Variants in LHPP observed in about 807,000 individuals in gnomAD.
The protein encoded by LHPP is hLHPP.
In LHPP, 24 loss-of-function variants were observed where a neutral mutation model predicts 30.3. The ratio of observed to expected loss-of-function variants is 0.79; its 90% CI spans 0.57 to 1.11. The LOEUF is 1.11. Ranked by LOEUF, LHPP falls within the 50% of genes most tolerant of loss-of-function variation. LHPP has a pLI of 0.00. For synonymous variants in LHPP, 150 were observed against 157.1 expected, an observed-to-expected ratio of 0.95 and a Z score of 0.34; for missense variants, 356 against 367.2, an observed-to-expected ratio of 0.97 and a Z score of 0.25.
intron 6 of LHPP, among the ~76,000 whole-genome samples, chr10:124,531,061 C>T (rs1173533628): frequency 6.6e-6 from 1 of 152,212 alleles, no homozygotes; most frequent in East Asian, 1.9e-4. Context: ...CCCCTCCTGC[C>T]AGTCCCACCT....
chr10:124,528,452 G>A (rs1247935653), intron 6 of LHPP, among the ~76,000 whole-genome samples: 2 of 152,010 alleles, frequency 1.3e-5, no homozygotes, highest in Admixed American at 6.6e-5. Context: ...TCCGCCTCCC[G>A]GGTTCAAGGG....
chr10:124,477,090 C>T (rs1462158128), intron 1 of LHPP, among the ~76,000 whole-genome samples: 4 of 152,158 alleles, frequency 2.6e-5, no homozygotes, highest in Non-Finnish European at 1.5e-5. Context: ...GTAGTCCCAA[C>T]TACTCGGGAG....
chr10:124,604,137 T>TGGG (rs1949063491), intron 6 of LHPP, among the ~76,000 whole-genome samples: 1 of 152,212 alleles, frequency 6.6e-6, no homozygotes, highest in Non-Finnish European at 1.5e-5. Flanking sequence ...ACATGGCACC[T>TGGG]TCCCAGAGGT....
intron 6 of LHPP, among the ~76,000 whole-genome samples, chr10:124,609,533 C>T (rs1949139386): frequency 1.3e-5 from 2 of 152,330 alleles, no homozygotes; most frequent in South Asian, 2.1e-4. Flanking sequence ...CGTGAGCTAC[C>T]ACGCCCGGCC....
At chr10:124,469,269 G>A (rs980378277) in intron 1 of LHPP, among the ~76,000 whole-genome samples, 2 of 152,108 alleles carry the variant, frequency 1.3e-5, no homozygotes, top group Admixed American at 1.3e-4. Context: ...GGGCTCCCTG[G>A]CAGCATCGTC....
At chr10:124,486,651 G>T (rs1269407879) in intron 2 of LHPP, among the ~76,000 whole-genome samples, 2 of 152,252 alleles carry the variant, frequency 1.3e-5, no homozygotes, top group African/African-American at 2.4e-5. Flanking sequence ...AAGCTCACTG[G>T]AGCCTCAGTG....
intron 6 of LHPP, among the ~76,000 whole-genome samples, chr10:124,597,031 T>A (rs1009255089): frequency 6.6e-6 from 1 of 152,102 alleles, no homozygotes; most frequent in Admixed American, 6.5e-5. Flanking sequence ...GTTTGCTGGG[T>A]CTTCTGGCTT....
intron 6 of LHPP, among the ~76,000 whole-genome samples, chr10:124,585,951 A>G (rs1390495884): frequency 6.6e-6 from 1 of 152,086 alleles, no homozygotes; most frequent in Non-Finnish European, 1.5e-5. Flanking sequence ...CACCCAGCTA[A>G]TTTTTATATT....
chr10:124,531,043 G>A (rs1009325793), intron 6 of LHPP, among the ~76,000 whole-genome samples: 2 of 152,146 alleles, frequency 1.3e-5, no homozygotes, highest in African/African-American at 2.4e-5. Context: ...ACGCCCACCC[G>A]CCAAGCTCCC....
chr10:124,498,282 G>T, intron 5 of LHPP, 154 bp downstream of exon 5: 1 of 1,560,782 alleles, frequency 6.4e-7, no homozygotes, highest in East Asian at 2.3e-5. Context: ...TGGGAAGGAG[G>T]GGGAAGACAG....
chr10:124,571,788 C>T (rs1948587915), intron 6 of LHPP, among the ~76,000 whole-genome samples: 1 of 152,192 alleles, frequency 6.6e-6, no homozygotes, highest in South Asian at 2.1e-4. Context: ...AGACACAGGC[C>T]TTTGCTGTGG....
At chr10:124,469,696 T>C (rs767538689) in intron 1 of LHPP, among the ~76,000 whole-genome samples, 5 of 152,100 alleles carry the variant, frequency 3.3e-5, no homozygotes, top group Non-Finnish European at 5.9e-5. Context: ...CAAGCAAACA[T>C]TGAGTGCCTC....
At chr10:124,487,731 A>C (rs1953381827) in intron 2 of LHPP, among the ~76,000 whole-genome samples, 5 of 152,164 alleles carry the variant, frequency 3.3e-5, no homozygotes, top group Admixed American at 3.3e-4. Flanking sequence ...GGCATGAGCC[A>C]CCGCACCTGG....
intron 1 of LHPP, among the ~76,000 whole-genome samples, chr10:124,467,775 G>A (rs906522500): frequency 6.6e-6 from 1 of 151,578 alleles, no homozygotes; most frequent in African/African-American, 2.4e-5. Flanking sequence ...GAGTGCAGTG[G>A]TATGATCTCG....
chr10:124,476,798 G>C (rs1952962308), intron 1 of LHPP, among the ~76,000 whole-genome samples: 1 of 152,214 alleles, frequency 6.6e-6, no homozygotes, highest in African/African-American at 2.4e-5. Flanking sequence ...TCAGCACCTT[G>C]TGGGTTTCAA....
At chr10:124,504,874 C>T (rs895925671) in intron 5 of LHPP, among the ~76,000 whole-genome samples, 4 of 152,098 alleles carry the variant, frequency 2.6e-5, no homozygotes, top group African/African-American at 7.2e-5. Context: ...CTGGGTTTGT[C>T]GTTTTCGGAT....
chr10:124,552,658 T>A lies in LHPP; in HGVS notation c.716+35387T>A, dbSNP rs562623513. ...CCCCGCCCCTGTAGTCATTTCTAAA[T>A]CGGGTCTAGATGGACTGGACGCGTG... On this transcript the variant is annotated intron_variant, in intron 6 of 6. Transcript: ENST00000368842. 6.6e-5 allele frequency among the ~76,000 whole-genome samples: 10 copies of A among 152,268 alleles called. No homozygotes were observed. The South Asian group carries it at 2.1e-3, about 32-fold the overall frequency.
At chr10:124,518,050 G>C (rs754842634) in intron 6 of LHPP, among the ~76,000 whole-genome samples, 11 of 152,232 alleles carry the variant, frequency 7.2e-5, no homozygotes, top group Non-Finnish European at 1.6e-4. Context: ...TGTCCTGAGA[G>C]ATCTGCTTAG....
chr10:124,540,026 C>T (rs918882551), intron 6 of LHPP, among the ~76,000 whole-genome samples: 1 of 152,218 alleles, frequency 6.6e-6, no homozygotes, highest in African/African-American at 2.4e-5. Flanking sequence ...CAGTTACCCG[C>T]TTCTGCTCAT....
Sources: allele counts gnomAD v4.1 joint callset (sites outside exome capture counted in the v4.1 genomes callset), GRCh38; gene constraint gnomAD v4.1.1; transcripts MANE v1.5; gene names NCBI Gene and HGNC (gene_info 2026-07-23, HGNC 2026-07-21).